NRXN3: variants seen among roughly 807,000 people sequenced by gnomAD.
NRXN3 encodes neurexin III.
Under a neutral mutation model 137.6 loss-of-function variants are expected in NRXN3, and 32 were observed. The ratio of observed to expected loss-of-function variants is 0.23; its 90% CI spans 0.18 to 0.31. The LOEUF (loss-of-function observed/expected upper bound fraction) is 0.31, where lower values mean the gene tolerates loss of function less well. Among genes scored for constraint, NRXN3 ranks in the 10% least tolerant of loss-of-function variants. The probability of loss-of-function intolerance (pLI) is 1.00; values close to 1 mark genes in which losing one functional copy is unlikely to be tolerated. For missense variants in NRXN3, 1,574 were observed against 2,062.5 expected, an observed-to-expected ratio of 0.76 and a Z score of 4.59; for synonymous variants, 798 against 784.5, an observed-to-expected ratio of 1.02 and a Z score of -0.29.
At chr14:79,205,418 A>C (rs1257030782) in intron 15 of NRXN3, among the ~76,000 whole-genome samples, 1 of 152,314 alleles carries the variant, frequency 6.6e-6, no homozygotes, top group African/African-American at 2.4e-5. Flanking sequence ...GTGCATCATA[A>C]GTAGAGCAAT....
At chr14:78,350,359 G>A (rs962114980) in intron 4 of NRXN3, among the ~76,000 whole-genome samples, 1 of 151,960 alleles carries the variant, frequency 6.6e-6, no homozygotes, top group Non-Finnish European at 1.5e-5. Context: ...ATGCAAGCTA[G>A]GATGACCAGG....
At chr14:79,431,482 A>G (rs1281036356) in intron 15 of NRXN3, among the ~76,000 whole-genome samples, 2 of 152,298 alleles carry the variant, frequency 1.3e-5, no homozygotes, top group East Asian at 1.9e-4. Context: ...CAGGTGTCAT[A>G]TAACAATTAA....
At chr14:78,912,807 C>T (rs772614340) in intron 10 of NRXN3, among the ~76,000 whole-genome samples, 2 of 152,128 alleles carry the variant, frequency 1.3e-5, no homozygotes, top group South Asian at 2.1e-4. Context: ...AATGAGAATA[C>T]ATGGAGGATT....
At chr14:79,599,377 A>T (rs1238869429) in intron 16 of NRXN3, among the ~76,000 whole-genome samples, 1 of 152,176 alleles carries the variant, frequency 6.6e-6, no homozygotes, top group Non-Finnish European at 1.5e-5. Flanking sequence ...GTAAGGAAAA[A>T]AATTAAAACT....
chr14:78,260,551 A>C (rs1351213909), intron 2 of NRXN3, among the ~76,000 whole-genome samples: 3 of 152,206 alleles, frequency 2.0e-5, no homozygotes, highest in Admixed American at 2.0e-4. Flanking sequence ...TAGCTCCCAT[A>C]ATTCCCACAT....
chr14:78,710,976 A>C (rs2098402341), intron 7 of NRXN3, among the ~76,000 whole-genome samples: 1 of 152,202 alleles, frequency 6.6e-6, no homozygotes, highest in South Asian at 2.1e-4. Context: ...CACCCAAAAA[A>C]TTAATTTCTT....
intron 15 of NRXN3, among the ~76,000 whole-genome samples, chr14:79,402,661 A>G (rs1450229945): frequency 2.0e-5 from 3 of 152,214 alleles, no homozygotes; most frequent in African/African-American, 4.8e-5. Context: ...TTAAAAGCAT[A>G]TTGGCTACTT....
At chr14:79,486,520 G>A (rs2096656927) in intron 16 of NRXN3, among the ~76,000 whole-genome samples, 1 of 152,130 alleles carries the variant, frequency 6.6e-6, no homozygotes, top group Non-Finnish European at 1.5e-5. Context: ...GGTGACAAAC[G>A]GAGCCACCAC....
At chr14:78,446,115 T>C (rs1263865781) in intron 4 of NRXN3, among the ~76,000 whole-genome samples, 1 of 152,238 alleles carries the variant, frequency 6.6e-6, no homozygotes, top group Non-Finnish European at 1.5e-5. Flanking sequence ...TCAGCCATCA[T>C]GTCCACAGTC....
chr14:79,722,336 A>T (rs2098847557), intron 19 of NRXN3, among the ~76,000 whole-genome samples: 1 of 151,512 alleles, frequency 6.6e-6, no homozygotes, highest in African/African-American at 2.4e-5. Flanking sequence ...TAGCTTAAAA[A>T]CTCCAATGGA....
At chr14:79,527,705 T>C (rs1200855747) in intron 16 of NRXN3, among the ~76,000 whole-genome samples, 3 of 151,610 alleles carry the variant, frequency 2.0e-5, no homozygotes, top group Non-Finnish European at 4.4e-5. Flanking sequence ...AAACCCCGTC[T>C]CTACTAAAAA....
At chr14:79,227,957 C>G (rs901950672) in intron 15 of NRXN3, among the ~76,000 whole-genome samples, 1 of 151,886 alleles carries the variant, frequency 6.6e-6, no homozygotes, top group African/African-American at 2.4e-5. Flanking sequence ...ACATCTTTCC[C>G]CAAAGCAATA....
chr14:79,832,464 T>G (rs1274840675), intron 20 of NRXN3, among the ~76,000 whole-genome samples: 1 of 152,184 alleles, frequency 6.6e-6, no homozygotes, highest in African/African-American at 2.4e-5. Context: ...CAGCGTAGTT[T>G]CTTTAAACGG....
intron 15 of NRXN3, among the ~76,000 whole-genome samples, chr14:79,419,132 G>T (rs1041579407): frequency 6.6e-6 from 1 of 152,174 alleles, no homozygotes; most frequent in Admixed American, 6.5e-5. Context: ...TATGAAGTAT[G>T]AGTAAAGTAC....
intron 4 of NRXN3, among the ~76,000 whole-genome samples, chr14:78,334,375 A>G (rs1321443231): frequency 6.6e-6 from 1 of 152,084 alleles, no homozygotes; most frequent in African/African-American, 2.4e-5. Context: ...ATATTCCCTA[A>G]GGGTGGATTC....
intron 6 of NRXN3, among the ~76,000 whole-genome samples, chr14:78,665,061 A>G (rs1171319993): frequency 6.6e-6 from 1 of 152,216 alleles, no homozygotes; most frequent in Non-Finnish European, 1.5e-5. Flanking sequence ...GGTGAATGAC[A>G]GCATGTATAA....
At chr14:79,788,480 T>C (rs1378745426) in intron 19 of NRXN3, among the ~76,000 whole-genome samples, 4 of 152,092 alleles carry the variant, frequency 2.6e-5, no homozygotes, top group Non-Finnish European at 5.9e-5. Flanking sequence ...TAAGAACACA[T>C]CACAGAAGAG....
At chr14:79,829,568 A>T (rs1029133464) in intron 20 of NRXN3, among the ~76,000 whole-genome samples, 1 of 152,220 alleles carries the variant, frequency 6.6e-6, no homozygotes, top group Non-Finnish European at 1.5e-5. Context: ...CAGCAACCTG[A>T]ATCAGTTATA....
intron 1 of NRXN3, among the ~76,000 whole-genome samples, chr14:78,200,095 CAG>C (rs1400207492): frequency 6.6e-6 from 1 of 152,202 alleles, no homozygotes; most frequent in Non-Finnish European, 1.5e-5. Flanking sequence ...GGGTGCATCT[CAG>C]GAATAGTTTA....
Sources: gnomAD v4.1 joint callset for allele counts (sites outside exome capture counted in the v4.1 genomes callset) on GRCh38, gnomAD v4.1.1 for gene constraint, MANE v1.5 for transcripts, NCBI Gene and HGNC (gene_info 2026-07-23, HGNC 2026-07-21) for gene names.